The following HTR4 variants were observed in gnomAD, a reference collection of about 807,000 sequenced individuals.
The protein encoded by HTR4 is 5-hydroxytryptamine (serotonin) receptor 4, G protein-coupled.
Under a neutral mutation model 36.8 loss-of-function variants are expected in HTR4, and 16 were observed. The ratio of observed to expected loss-of-function variants is 0.43; its 90% confidence interval spans 0.29 to 0.66. The LOEUF (loss-of-function observed/expected upper bound fraction) is 0.66, where lower values mean the gene tolerates loss of function less well. Ranked by LOEUF, HTR4 falls within the 30% of genes least tolerant of loss-of-function variation. HTR4 has a pLI of 0.13. For missense variants in HTR4, 438 were observed against 490.9 expected (o/e 0.89, Z 1.02); for synonymous variants, 189 against 185.1 (o/e 1.02, Z -0.17).
intron 6 of HTR4, among the ~76,000 whole-genome samples, chr5:148,487,388 GGAA>G (rs1236287910): frequency 1.3e-5 from 2 of 152,072 alleles, no homozygotes; most frequent in East Asian, 1.9e-4. Flanking sequence ...AATAGGAGGA[GGAA>G]GAAGGAGAAG....
In HTR4 at chr5:148,490,711, A is replaced by G. The variant is rs868642394; in HGVS notation, c.1077-7418T>C. ...TCATCCAATTGTCTCCTTCAACTTT[A>G]CTAGGAACTCCCTAGTAAGGCAATC... On this transcript the variant is annotated intron_variant, in intron 6 of 6. Coordinates refer to ENST00000377888, the MANE Select transcript of HTR4 (RefSeq NM_000870.7). The G allele has an allele frequency of 2.4e-6, 3 of 1,240,044 alleles. No individual in the cohort carries two copies. The Middle Eastern group carries it at 6.8e-4, about 279-fold the overall frequency. 76.8% of individuals were successfully genotyped at this position (1,240,044 alleles called of 1,614,324 possible). A position where few individuals can be genotyped will look rare whatever the true frequency, so the allele number is the denominator to read the frequency against.
At chr5:148,526,597 A>G (rs1292005706) in intron 4 of HTR4, among the ~76,000 whole-genome samples, 1 of 152,208 alleles carries the variant, frequency 6.6e-6, no homozygotes, top group Non-Finnish European at 1.5e-5. Context: ...GACACTGTTC[A>G]CCACAACCAA....
At chr5:148,577,739 T>C (rs935709388) in intron 2 of HTR4, among the ~76,000 whole-genome samples, 1 of 152,096 alleles carries the variant, frequency 6.6e-6, no homozygotes, top group African/African-American at 2.4e-5. Context: ...ATACTGCCTG[T>C]TCTTACTTAC....
At chr5:148,461,538 A>G (rs1434257178) in intron 5 of HTR4, among the ~76,000 whole-genome samples, 1 of 152,048 alleles carries the variant, frequency 6.6e-6, no homozygotes, top group Non-Finnish European at 1.5e-5. Flanking sequence ...ATTACGTAAT[A>G]ATAAAGGTGT....
Position 148,574,187 on chromosome 5 carries a change from T to C in HTR4, c.27-23925A>G, listed in dbSNP as rs1299277656. 2.6e-5 allele frequency among the ~76,000 whole-genome samples: 4 copies of C among 152,086 alleles called. No individual in the cohort carries two copies. The East Asian group carries it at 7.7e-4, about 29-fold the overall frequency. On this transcript the variant is annotated intron_variant, in intron 2 of 6. Coordinates refer to ENST00000377888, the MANE Select transcript of HTR4 (RefSeq NM_000870.7). ...AGGATTTTTATTGAAAAAGCTGCTA[T>C]AGCAAAGTTTGTGGTGCTAAATATT...
intron 5 of HTR4, among the ~76,000 whole-genome samples, chr5:148,469,231 C>T (rs1281675390): frequency 6.6e-6 from 1 of 152,136 alleles, no homozygotes; most frequent in Non-Finnish European, 1.5e-5. Flanking sequence ...GGTTTAAGTA[C>T]TATAGAAACA....
intron 2 of HTR4, among the ~76,000 whole-genome samples, chr5:148,593,093 T>C (rs906460059): frequency 7.9e-5 from 12 of 152,306 alleles, no homozygotes; most frequent in East Asian, 3.9e-4. Flanking sequence ...GAAGTACTTA[T>C]AGTTAAAATT....
In HTR4 at chr5:148,654,071, G is replaced by C. The variant is rs1580774497; in HGVS notation, c.-57C>G. On this transcript the variant is annotated 5_prime_UTR_variant, in exon 1 of 7. Transcript: ENST00000377888. ...CACTTGCCGCACATACCCGCTGCCA[G>C]AGGCGAGGGAGCGAGGTGCCCTGGC... is the stretch of plus-strand genomic sequence containing the variant. 2 of 985,278 alleles carry C rather than the reference G, an allele frequency of 2.0e-6. No homozygotes were observed. Among genetic ancestry groups the C allele is most frequent in the East Asian group, 1.1e-4 (1 of 8,768 alleles). 61.0% of individuals were successfully genotyped at this position (985,278 alleles called of 1,614,324 possible).
intron 6 of HTR4, among the ~76,000 whole-genome samples, chr5:148,507,068 T>C (rs1757254283): frequency 6.6e-6 from 1 of 152,090 alleles, no homozygotes. Context: ...TAAAGACACA[T>C]GCACACGTAT....
chr5:148,608,217 T>A (rs1752260968), intron 2 of HTR4, among the ~76,000 whole-genome samples: 2 of 152,236 alleles, frequency 1.3e-5, no homozygotes. Flanking sequence ...TGTATACCGT[T>A]CTAAGAAACT....
intron 2 of HTR4, among the ~76,000 whole-genome samples, chr5:148,562,804 C>T (rs182301745): frequency 6.6e-6 from 1 of 152,258 alleles, no homozygotes; most frequent in Admixed American, 6.5e-5. Context: ...CCTCTTCTAC[C>T]TCCAGTACAT....
At chr5:148,533,962 A>T (rs997964533) in intron 4 of HTR4, among the ~76,000 whole-genome samples, 1 of 152,184 alleles carries the variant, frequency 6.6e-6, no homozygotes, top group South Asian at 2.1e-4. Flanking sequence ...TTGGTTCAAC[A>T]TCTTTCCCTA....
chr5:148,535,067 C>G (rs1758748752), intron 4 of HTR4, among the ~76,000 whole-genome samples: 1 of 152,050 alleles, frequency 6.6e-6, no homozygotes, highest in African/African-American at 2.4e-5. Context: ...ACCAATTGAC[C>G]ATATGTCTAA....
At chr5:148,526,048 G>A (rs1483379760) in intron 4 of HTR4, among the ~76,000 whole-genome samples, 1 of 152,144 alleles carries the variant, frequency 6.6e-6, no homozygotes, top group East Asian at 1.9e-4. Flanking sequence ...GCCAGGAAGA[G>A]GCAAGAAAGA....
At chr5:148,475,426 T>G (rs1470567136), downstream of HTR4, among the ~76,000 whole-genome samples, 2 of 152,176 alleles carry the variant, frequency 1.3e-5, no homozygotes, top group African/African-American at 4.8e-5. Context: ...TCTTAGAAGG[T>G]GAAGTGAGAC....
chr5:148,568,500 C>T (rs1313152031), intron 2 of HTR4, among the ~76,000 whole-genome samples: 3 of 152,076 alleles, frequency 2.0e-5, no homozygotes, highest in African/African-American at 7.2e-5. Context: ...CCTCATAGAG[C>T]AAGTGGTAAT....
Position 148,482,764 on chromosome 5 carries a change from C to A in HTR4, c.*439G>T. The A allele has an allele frequency of 9.7e-7, 1 of 1,029,630 alleles. No individual in the cohort carries two copies. 63.8% of individuals were successfully genotyped at this position (1,029,630 alleles called of 1,614,324 possible). The stretch of plus-strand genomic sequence containing the variant: ...AGCAAGACAGGAGCGACGCCTCTGG[C>A]TAAGACAGGAACAGAGAGGGAGTAT... On this transcript the variant is annotated 3_prime_UTR_variant, in exon 7 of 7. Transcript: ENST00000377888.
intron 2 of HTR4, among the ~76,000 whole-genome samples, chr5:148,557,609 T>G (rs1448038098): frequency 1.3e-5 from 2 of 151,866 alleles, no homozygotes; most frequent in Non-Finnish European, 2.9e-5. Flanking sequence ...AGGGTCTTGA[T>G]GAACAGCAGT....
At chr5:148,459,881 A>G (rs1228248602) in intron 5 of HTR4, among the ~76,000 whole-genome samples, 1 of 152,178 alleles carries the variant, frequency 6.6e-6, no homozygotes, top group African/African-American at 2.4e-5. Context: ...TTAATATGCT[A>G]AGGGTCTAAT....
Sources: allele counts gnomAD v4.1 joint callset (sites outside exome capture counted in the v4.1 genomes callset), GRCh38; gene constraint gnomAD v4.1.1; transcripts MANE v1.5; gene names NCBI Gene and HGNC (gene_info 2026-07-23, HGNC 2026-07-21).